The following CLIP2 variants were observed in gnomAD, a reference collection of about 807,000 sequenced individuals.
CLIP2 encodes CAP-Gly domain-containing linker protein 2.
CLIP2 carries 41 observed loss-of-function variants against 111.7 expected under a neutral mutation model. The ratio of observed to expected loss-of-function variants is 0.37; its 90% CI spans 0.29 to 0.48. The LOEUF (loss-of-function observed/expected upper bound fraction) is 0.48. Ranked by LOEUF, CLIP2 falls within the 20% of genes least tolerant of loss-of-function variation. CLIP2 has a pLI of 0.99. For synonymous variants in CLIP2, 660 were observed against 644.2 expected (o/e 1.02, Z -0.37); for missense variants, 1,160 against 1,422.1 (o/e 0.82, Z 2.96).
In CLIP2 at chr7:74,376,798, C is replaced by T. The variant is rs1554313069; in HGVS notation, c.2397C>T (p.Ala799=). The T allele has an allele frequency of 6.2e-7, 1 of 1,603,210 alleles. No homozygotes were observed. The highest frequency in any genetic ancestry group is 8.5e-7 in the Non-Finnish European group (1 of 1,175,824). The change falls in exon 10 of 17, where the codon GCC becomes GCT. Residue 799 remains alanine, a synonymous_variant. Transcript: ENST00000223398. This position sits in a 1 kb window ranked among gnomAD's most constrained non-coding sequence, Gnocchi z 7.1. ...AGAACAGACTCCAGGCGGTCGAGGCCCTGTGCTCCTCCCAGCACACCCACG... is the reference window on the plus strand; with the variant it reads ...AGAACAGACTCCAGGCGGTCGAGGCTCTGTGCTCCTCCCAGCACACCCACG... ...VAENRLQAVE[A]LCSSQHTHMI...
At position 74,364,008 on chromosome 7, in the gene CLIP2, C is replaced by T. The variant is rs1385521748; in HGVS notation, c.1320-247C>T. Among the ~76,000 whole-genome samples, 4 of 152,112 alleles carry T rather than the reference C, an allele frequency of 2.6e-5. No individual in the cohort carries two copies. In the South Asian group the frequency reaches 8.3e-4, roughly 32 times the overall value. On this transcript the variant is annotated intron_variant, in intron 7 of 16. Transcript: ENST00000223398. The stretch of plus-strand genomic sequence containing the variant: ...CCACCCTGCCCTTTATTTTATTTCC[C>T]ACCACCCTGGGGAGGAAGGGTGTTG...
chr7:74,359,185 T>A (rs1554309186), intron 6 of CLIP2, among the ~76,000 whole-genome samples: 1 of 151,338 alleles, frequency 6.6e-6, no homozygotes, highest in Non-Finnish European at 1.5e-5. Context: ...GACAGGCTGG[T>A]CTTGAACTCC....
chr7:74,383,959 T>C (rs782167970), intron 11 of CLIP2, among the ~76,000 whole-genome samples: 2 of 152,126 alleles, frequency 1.3e-5, no homozygotes, highest in African/African-American at 2.4e-5. Context: ...TGGATTTATC[T>C]ATTTGGAACA....
At chr7:74,386,645 C>A (rs782563846) in intron 12 of CLIP2, 41 bp downstream of exon 12, 1 of 1,516,116 alleles carries the variant, frequency 6.6e-7, no homozygotes, top group African/African-American at 1.4e-5. Flanking sequence ...GGGGCTTTCA[C>A]TGGGGCCGTG....
intron 2 of CLIP2, among the ~76,000 whole-genome samples, chr7:74,322,257 C>T (rs1423116433): frequency 1.3e-5 from 2 of 151,148 alleles, no homozygotes; most frequent in Non-Finnish European, 2.9e-5. Context: ...TGCTAAAGTG[C>T]TGGGAGTACA....
At chr7:74,366,749 G>A (rs573556891) in intron 8 of CLIP2, among the ~76,000 whole-genome samples, 9 of 152,176 alleles carry the variant, frequency 5.9e-5, no homozygotes, top group South Asian at 2.1e-4. Context: ...GGTGACGGGC[G>A]CCTCTAATCC....
intron 16 of CLIP2, among the ~76,000 whole-genome samples, chr7:74,402,862 C>T: frequency 6.6e-6 from 1 of 151,808 alleles, no homozygotes; most frequent in Non-Finnish European, 1.5e-5. Flanking sequence ...TTTTGTCCTC[C>T]TGGCCTTGTT....
intron 4 of CLIP2, 132 bp downstream of exon 4, chr7:74,354,136 T>G: frequency 3.6e-6 from 4 of 1,104,832 alleles, no homozygotes; most frequent in Non-Finnish European, 3.9e-6. Flanking sequence ...TCCTTTCCCA[T>G]TCCCTCCTTC....
chr7:74,390,174 A>AAAG (rs1562726831), intron 13 of CLIP2, among the ~76,000 whole-genome samples: 3 of 44,326 alleles, frequency 6.8e-5, no homozygotes, highest in Non-Finnish European at 6.1e-5. Context: ...AGAAAGAAAG[A>AAAG]AAGAAAGAAA....
At chr7:74,291,854 C>T (rs182995811) in intron 1 of CLIP2, among the ~76,000 whole-genome samples, 1 of 152,134 alleles carries the variant, frequency 6.6e-6, no homozygotes, top group African/African-American at 2.4e-5. Flanking sequence ...GGCCTGCCCA[C>T]GTGTGGTCCC....
At chr7:74,403,620 C>A (rs1023820880) in intron 16 of CLIP2, among the ~76,000 whole-genome samples, 1 of 152,148 alleles carries the variant, frequency 6.6e-6, no homozygotes, top group Non-Finnish European at 1.5e-5. Flanking sequence ...CCCTCGGCTC[C>A]GCTTCCCATC....
At chr7:74,340,966 T>C (rs541953724) in intron 3 of CLIP2, among the ~76,000 whole-genome samples, 1 of 152,174 alleles carries the variant, frequency 6.6e-6, no homozygotes, top group East Asian at 1.9e-4. Context: ...CAAAGCATAT[T>C]GCTGCCTGGG....
chr7:74,332,227 C>T (rs1214545808), intron 2 of CLIP2, among the ~76,000 whole-genome samples: 21 of 151,956 alleles, frequency 1.4e-4, no homozygotes, highest in Non-Finnish European at 1.5e-5. Flanking sequence ...GTGCCCGCCA[C>T]CATGCCAGGC....
At chr7:74,308,375 T>G (rs1328762246) in intron 1 of CLIP2, among the ~76,000 whole-genome samples, 6 of 152,162 alleles carry the variant, frequency 3.9e-5, no homozygotes, top group Non-Finnish European at 8.8e-5. Flanking sequence ...TCTGACCAGC[T>G]GGGCTGATCA....
chr7:74,321,767 C>CTTTAT (rs200774930), intron 2 of CLIP2, among the ~76,000 whole-genome samples: 1 of 151,650 alleles, frequency 6.6e-6, no homozygotes, highest in Non-Finnish European at 1.5e-5. Context: ...CGCGCCTGGC[C>CTTTAT]TTTATTTTAT....
intron 1 of CLIP2, among the ~76,000 whole-genome samples, chr7:74,296,151 G>A (rs1247812914): frequency 6.6e-6 from 1 of 151,650 alleles, no homozygotes; most frequent in Non-Finnish European, 1.5e-5. Context: ...AAGACCACAG[G>A]AGGAACCAGG....
At chr7:74,375,219 C>G (rs1554312535) in intron 9 of CLIP2, among the ~76,000 whole-genome samples, 2 of 151,472 alleles carry the variant, frequency 1.3e-5, no homozygotes. Context: ...GGCTGCACTC[C>G]AGCCTGGGCA....
At position 74,372,405 on chromosome 7, in the gene CLIP2, G is replaced by T. The variant is rs549712351; in HGVS notation, c.1381-527G>T. 2.3e-3 allele frequency among the ~76,000 whole-genome samples: 333 copies of T among 146,616 alleles called. 35 individuals carry two copies. The highest frequency in any genetic ancestry group is 0.014 in the Middle Eastern group (4 of 276). ...CTTGCACTTTTAGCACAGGCCTTGG[G>T]GGGGGGGGGGAGTCGAGCGGGAATC... is the stretch of plus-strand genomic sequence containing the variant. On this transcript the variant is annotated intron_variant, in intron 8 of 16. Transcript: ENST00000223398.
chr7:74,400,698 G>C, intron 15 of CLIP2, 143 bp downstream of exon 15: 2 of 810,198 alleles, frequency 2.5e-6, no homozygotes, highest in Non-Finnish European at 3.8e-6. Flanking sequence ...CTGGTCTGAA[G>C]GGGGAGGTAG....
Sources: gnomAD v4.1 joint callset for allele counts (sites outside exome capture counted in the v4.1 genomes callset) on GRCh38, gnomAD v4.1.1 for gene constraint, Gnocchi (gnomAD v3.1) non-coding constraint, MANE v1.5 for transcripts, NCBI Gene and HGNC (gene_info 2026-07-23, HGNC 2026-07-21) for gene names.